Variants in FOXJ2 observed in about 807,000 individuals in gnomAD.
The protein encoded by FOXJ2 is forkhead box J2.
A neutral mutation model predicts 68.4 loss-of-function variants in FOXJ2; 18 were observed. The observed-to-expected ratio is 0.26, with a 90% CI of 0.18 to 0.39. The LOEUF is 0.39. Among genes scored for constraint, FOXJ2 ranks in the 10% least tolerant of loss-of-function variants. The pLI, the probability that FOXJ2 is intolerant of heterozygous loss-of-function variation, is 1.00. For missense variants in FOXJ2, 670 were observed against 726.5 expected, an observed-to-expected ratio of 0.92 and a Z score of 0.89; for synonymous variants, 274 against 263.2, an observed-to-expected ratio of 1.04 and a Z score of -0.40.
chr12:8,041,394 G>A (rs775954524), intron 2 of FOXJ2, among the ~76,000 whole-genome samples: 2 of 151,652 alleles, frequency 1.3e-5, no homozygotes, highest in Non-Finnish European at 2.9e-5. Flanking sequence ...TAATAGAGAC[G>A]GGGTTTCACC....
chr12:8,050,985 CCCCTT>C (rs1947115907), intron 10 of FOXJ2, among the ~76,000 whole-genome samples: 2 of 109,150 alleles, frequency 1.8e-5, no homozygotes, highest in Non-Finnish European at 3.8e-5. Flanking sequence ...CCCTTCCCTT[CCCCTT>C]CCCTTCCCTT....
chr12:8,044,917 A>G lies in FOXJ2; in HGVS notation c.776A>G (p.Tyr259Cys), dbSNP rs780170665. Reference sequence around the variant, plus strand: ...CTAAGCTGGTCCTTCCGCAACCTCTATAAGTCCATGCTGGAGAAGTCCTCT... The same window carrying G: ...CTAAGCTGGTCCTTCCGCAACCTCTGTAAGTCCATGCTGGAGAAGTCCTCT... The part of the protein sequence containing the change: ...QDLSWSFRNL[Y>C]KSMLEKSSSS... The change falls in exon 6 of 11, where the codon TAT becomes TGT. Residue 259 changes from tyrosine to cysteine, a missense_variant. By Grantham distance (194) the Tyr-to-Cys change is radical. Around this residue, in one of 2 missense-constraint regions of FOXJ2, gnomAD observed 555 missense variants for 562.2 expected, o/e 0.99. Transcript: ENST00000162391. The G allele has an allele frequency of 1.2e-5, 20 of 1,614,102 alleles. No homozygotes were observed. The highest frequency in any genetic ancestry group is 5.0e-5 in the Admixed American group (3 of 60,008).
intron 3 of FOXJ2, 106 bp downstream of exon 3, chr12:8,042,838 G>A (rs1946982777): frequency 2.0e-5 from 18 of 914,824 alleles, no homozygotes; most frequent in Non-Finnish European, 3.1e-5. Flanking sequence ...AGGAAATCAT[G>A]CTAATTAGAG....
At chr12:8,037,719 AGGAGGACCCT>A (rs977918757) in intron 1 of FOXJ2, among the ~76,000 whole-genome samples, 40 of 152,336 alleles carry the variant, frequency 2.6e-4, no homozygotes, top group African/African-American at 9.4e-4. Flanking sequence ...GGGAGGACCC[AGGAGGACCCT>A]GGTCATTGGA....
At chr12:8,034,092 A>G (rs1028269139) in intron 1 of FOXJ2, among the ~76,000 whole-genome samples, 1 of 152,204 alleles carries the variant, frequency 6.6e-6, no homozygotes, top group Admixed American at 6.5e-5. Context: ...GGATGTTTTC[A>G]TGCTGAGGAA....
At position 8,050,593 on chromosome 12, in the gene FOXJ2, C is replaced by G; in HGVS notation, c.1609C>G (p.Gln537Glu). ...GPSPMYPIPT[Q>E]DSAGYNRPAH... ...ATCACCAATGTACCCAATCCCCACC[C>G]AGGACTCAGCAGGATACAATCGCCC... The change falls in exon 10 of 11, where the codon CAG (glutamine) becomes GAG (glutamate). Residue 537 changes from glutamine to glutamate, a missense_variant. Gln to Glu is a conservative substitution (Grantham distance 29). This residue lies in a region of FOXJ2 where 555 missense variants were observed against 562.2 expected (regional missense o/e 0.99). Coordinates refer to ENST00000162391, the MANE Select transcript of FOXJ2 (RefSeq NM_018416.3). 6.2e-7 allele frequency: 1 copy of G among 1,614,104 alleles called. No homozygotes were observed. Among genetic ancestry groups the G allele is most frequent in the Non-Finnish European group, 8.5e-7 (1 of 1,180,004 alleles).
chr12:8,041,511 C>T (rs77875429), intron 2 of FOXJ2, among the ~76,000 whole-genome samples: 8 of 142,728 alleles, frequency 5.6e-5, no homozygotes, highest in African/African-American at 2.0e-4. Flanking sequence ...CCCAGCCTCT[C>T]TTTTTTTTTT....
chr12:8,043,978 G>A lies in FOXJ2; in HGVS notation c.505G>A (p.Ala169Thr). The change falls in exon 5 of 11, where the codon GCA (alanine) becomes ACA (threonine). Residue 169 changes from alanine (A) to threonine (T), a missense_variant. Ala to Thr is a moderately conservative substitution (Grantham distance 58). Transcript: ENST00000162391. The part of the protein sequence containing the change: ...DLSQDSPEQE[A>T]SKSPRGGVAG... The stretch of plus-strand genomic sequence containing the variant: ...GTCCCAAGACTCACCAGAACAGGAG[G>A]CAAGCAAGAGCCCACGGGGAGGCGT... The A allele has an allele frequency of 6.4e-7, 1 of 1,567,932 alleles. No homozygotes were observed. The highest frequency in any genetic ancestry group is 1.2e-5 in the South Asian group (1 of 83,616).
Position 8,044,856 on chromosome 12 carries a change from T to G in FOXJ2, c.715T>G (p.Phe239Val), listed in dbSNP as rs770944906. The change falls in exon 6 of 11, where the codon TTT becomes GTT. Residue 239 changes from phenylalanine to valine, a missense_variant. Physicochemically the swap from Phe to Val is conservative, Grantham distance 50. Around this residue, in one of 2 missense-constraint regions of FOXJ2, gnomAD observed 555 missense variants for 562.2 expected, o/e 0.99. Transcript: ENST00000162391. Reference sequence around the variant, plus strand: ...TCCCCTCTATAACACCAACCATGACTTTAAATTCTCCTACTCAGAGATCAA... The same window carrying G: ...TCCCCTCTATAACACCAACCATGACGTTAAATTCTCCTACTCAGAGATCAA... ...PPPLYNTNHD[F>V]KFSYSEINFQ... 215 of 1,614,066 alleles carry G rather than the reference T, an allele frequency of 1.3e-4. 2 individuals carry two copies. The South Asian group carries it at 2.1e-3, about 16-fold the overall frequency.
Position 8,048,005 on chromosome 12 carries a change from A to G in FOXJ2, c.941A>G (p.Gln314Arg). The change falls in exon 7 of 11, where the codon CAG becomes CGG. Residue 314 changes from glutamine (Q) to arginine (R), a missense_variant. By Grantham distance (43) the Gln-to-Arg change is conservative. Transcript: ENST00000162391. The part of the protein sequence containing the change: ...QQQPPQPPPQ[Q>R]SQPQQQQAPA... ...CAGCCGCCACAGCCACCTCCCCAGC[A>G]GTCCCAGCCACAGCAGCAGCAGGCA... 6.2e-7 allele frequency: 1 copy of G among 1,613,948 alleles called. No individual in the cohort carries two copies. The highest frequency in any genetic ancestry group is 8.5e-7 in the Non-Finnish European group (1 of 1,179,944).
chr12:8,050,471 T>G lies in FOXJ2; in HGVS notation c.1538-51T>G, dbSNP rs1947101420. The G allele has an allele frequency of 3.1e-6, 5 of 1,596,712 alleles. 1 individual carries two copies. Among genetic ancestry groups the G allele is most frequent in the Non-Finnish European group, 2.6e-6 (3 of 1,173,244 alleles). ...TTTTTTTCTTCCCTGCTTTGTTGAG[T>G]ACAGTGACCCGCCCCCCCCAACTCA... On this transcript the variant is annotated intron_variant, in intron 9 of 10. Coordinates refer to ENST00000162391, the MANE Select transcript of FOXJ2 (RefSeq NM_018416.3).
chr12:8,037,857 T>C (rs1946917521), intron 1 of FOXJ2, among the ~76,000 whole-genome samples: 1 of 152,222 alleles, frequency 6.6e-6, no homozygotes, highest in African/African-American at 2.4e-5. Context: ...TGGGGTGTTT[T>C]GACTTAGTAG....
At chr12:8,050,435 G>GC in intron 9 of FOXJ2, 87 bp from the exon 10 acceptor site, 6 of 1,529,648 alleles carry the variant, frequency 3.9e-6, no homozygotes, top group Non-Finnish European at 5.3e-6. Context: ...GAGGATGGGA[G>GC]CAAGGGTATA....
intron 10 of FOXJ2, among the ~76,000 whole-genome samples, chr12:8,052,245 C>T (rs950641666): frequency 8.1e-5 from 12 of 148,334 alleles, no homozygotes; most frequent in East Asian, 2.0e-4. Flanking sequence ...TTTTTTGAGA[C>T]GGAGTCTCGC....
rs756091630 is a variant in FOXJ2 at position 8,052,945 on chromosome 12, A to G, written c.*95A>G. 8.7e-6 allele frequency: 7 copies of G among 807,954 alleles called. No individual in the cohort carries two copies. In the African/African-American group the frequency reaches 1.0e-4, roughly 12 times the overall value. 50.0% of individuals were successfully genotyped at this position (807,954 alleles called of 1,614,324 possible). A position where few individuals can be genotyped will look rare whatever the true frequency, so the allele number is the denominator to read the frequency against. On this transcript the variant is annotated 3_prime_UTR_variant, in exon 11 of 11. Coordinates refer to ENST00000162391, the MANE Select transcript of FOXJ2 (RefSeq NM_018416.3). ...CAGCCCGTCCCTTCCCCCCGTCTGT[A>G]TATAGACATATATCCTCTTTTTGTT...
chr12:8,044,747 C>T lies in FOXJ2; in HGVS notation c.619-13C>T, dbSNP rs371342726. 1.0e-4 allele frequency: 167 copies of T among 1,613,212 alleles called. No homozygotes were observed. The highest frequency in any genetic ancestry group is 1.4e-4 in the Non-Finnish European group (162 of 1,179,794). On this transcript the variant is annotated splice_polypyrimidine_tract_variant and intron_variant, in intron 5 of 10. Coordinates refer to ENST00000162391, the MANE Select transcript of FOXJ2 (RefSeq NM_018416.3). ...TGGGACACTGATCAGGAATTTCTTA[C>T]CTGTTTTTGCAGGGCACAGGATCTG...
chr12:8,052,712 A>T, intron 10 of FOXJ2, 50 bp from the exon 11 acceptor site: 2 of 1,489,158 alleles, frequency 1.3e-6, no homozygotes, highest in Non-Finnish European at 1.8e-6. Flanking sequence ...AAATTGAGGG[A>T]ACAGCTTCCC....
At position 8,040,483 on chromosome 12, in the gene FOXJ2, A is replaced by T. The variant is rs149073226; in HGVS notation, c.333+318A>T. Among the ~76,000 whole-genome samples the T allele has an allele frequency of 2.0e-5, 3 of 151,368 alleles. No individual in the cohort carries two copies. Among genetic ancestry groups the T allele is most frequent in the East Asian group, 3.9e-4 (2 of 5,126 alleles). On this transcript the variant is annotated intron_variant, in intron 2 of 10. Coordinates refer to ENST00000162391, the MANE Select transcript of FOXJ2 (RefSeq NM_018416.3). The surrounding 1 kb of genome is among the most constrained non-coding windows in gnomAD (Gnocchi z 4.0). ...GTCGCCTGGGCTGGGGTGCAATGGCATGATCTCGGCTCACTGCAACTTCCA... is the reference window on the plus strand; with the variant it reads ...GTCGCCTGGGCTGGGGTGCAATGGCTTGATCTCGGCTCACTGCAACTTCCA...
rs771701178 is a variant in FOXJ2 at position 8,043,957 on chromosome 12, C to G, written c.484C>G (p.Gln162Glu). Residue 162 changes from glutamine (Q) to glutamate (E), a missense_variant, in exon 5 of 11, where the codon CAA becomes GAA. This residue lies in a region of FOXJ2 where 555 missense variants were observed against 562.2 expected (regional missense o/e 0.99). Transcript: ENST00000162391. ...RRHPPDDDLS[Q>E]DSPEQEASKS... Reference sequence around the variant, plus strand: ...TTTTTTTCACAACCCTCAGCTGTCCCAAGACTCACCAGAACAGGAGGCAAG... The same window carrying G: ...TTTTTTTCACAACCCTCAGCTGTCCGAAGACTCACCAGAACAGGAGGCAAG... The G allele has an allele frequency of 2.6e-6, 4 of 1,559,398 alleles. No individual in the cohort carries two copies. The highest frequency in any genetic ancestry group is 3.5e-6 in the Non-Finnish European group (4 of 1,156,448).
Sources: gnomAD v4.1 joint callset for allele counts (sites outside exome capture counted in the v4.1 genomes callset) on GRCh38, gnomAD v4.1.1 for gene constraint, gnomAD v4.1.1 regional missense constraint, Gnocchi (gnomAD v3.1) non-coding constraint, MANE v1.5 for transcripts, NCBI Gene and HGNC (gene_info 2026-07-23, HGNC 2026-07-21) for gene names.